NECTIN1: variants seen among roughly 807,000 people sequenced by gnomAD.
The protein encoded by NECTIN1 is nectin-1.
A neutral mutation model predicts 48.0 loss-of-function variants in NECTIN1; 23 were observed. The ratio of observed to expected loss-of-function variants is 0.48; its 90% confidence interval spans 0.34 to 0.68. The LOEUF is 0.68. Among genes scored for constraint, NECTIN1 ranks in the 30% least tolerant of loss-of-function variants. The pLI is 0.01. For synonymous variants in NECTIN1, 270 were observed against 288.9 expected (o/e 0.93, Z 0.66); for missense variants, 591 against 709.9 (o/e 0.83, Z 1.90).
chr11:119,718,120 T>C (rs1221821962), intron 1 of NECTIN1, among the ~76,000 whole-genome samples: 1 of 152,224 alleles, frequency 6.6e-6, no homozygotes, highest in Non-Finnish European at 1.5e-5. Context: ...TGAGCCTGCA[T>C]GGTGACCTGC....
chr11:119,704,738 G>A (rs934999950), intron 1 of NECTIN1, among the ~76,000 whole-genome samples: 1 of 152,124 alleles, frequency 6.6e-6, no homozygotes, highest in African/African-American at 2.4e-5. Context: ...GTGGAGGTGA[G>A]AATGCCCCAC....
intron 5 of NECTIN1, chr11:119,674,297 G>T (rs1288262489): frequency 2.4e-6 from 3 of 1,269,230 alleles, no homozygotes; most frequent in African/African-American, 3.0e-5. Flanking sequence ...TGTAAAAGAC[G>T]CTCCCCATGT....
rs1482689717 is a variant in NECTIN1 at position 119,661,394 on chromosome 11, C to T, written c.*3353G>A. The T allele has an allele frequency of 3.0e-6, 3 of 986,198 alleles. No individual in the cohort carries two copies. Among genetic ancestry groups the T allele is most frequent in the Non-Finnish European group, 2.4e-6 (2 of 830,304 alleles). 61.1% of individuals were successfully genotyped at this position (986,198 alleles called of 1,614,324 possible). A position where few individuals can be genotyped will look rare whatever the true frequency, so the allele number is the denominator to read the frequency against. The stretch of plus-strand genomic sequence containing the variant: ...GCAGAGGGGCCTGCCTCCTGGCATC[C>T]CCGGTACTGGGCAGTGTGTGAAGCC... On this transcript the variant is annotated 3_prime_UTR_variant, in exon 6 of 6. Coordinates refer to ENST00000264025, the MANE Select transcript of NECTIN1 (RefSeq NM_002855.5).
chr11:119,639,982 C>T (rs199613491), exon 6 of NECTIN1: 37 of 1,613,876 alleles, frequency 2.3e-5, no homozygotes, highest in Non-Finnish European at 3.1e-5. Flanking sequence ...CCTGGCTGCA[C>T]TTCCCAGACC....
At chr11:119,712,260 C>A (rs1162507033) in intron 1 of NECTIN1, among the ~76,000 whole-genome samples, 3 of 152,152 alleles carry the variant, frequency 2.0e-5, no homozygotes, top group African/African-American at 7.2e-5. Context: ...CTTGGCTGTC[C>A]TGGTCACGTC....
chr11:119,691,739 G>C (rs1339977066), intron 1 of NECTIN1, among the ~76,000 whole-genome samples: 1 of 152,124 alleles, frequency 6.6e-6, no homozygotes, highest in Non-Finnish European at 1.5e-5. Context: ...CCTGTAAATG[G>C]GCCGGAGCAC....
chr11:119,662,629 G>C lies in NECTIN1; in HGVS notation c.*2118C>G. The C allele has an allele frequency of 1.0e-6, 1 of 985,642 alleles. No individual in the cohort carries two copies. Among genetic ancestry groups the C allele is most frequent in the Non-Finnish European group, 1.2e-6 (1 of 829,998 alleles). The allele number at this position is 985,642 out of a possible 1,614,324, so 61.1% of individuals were successfully genotyped here. On this transcript the variant is annotated 3_prime_UTR_variant, in exon 6 of 6. Transcript: ENST00000264025. The surrounding 1 kb of genome is among the most constrained non-coding windows in gnomAD (Gnocchi z 5.3). ...CTCTATCAGGCAGGCCCCTGGGATT[G>C]CCTCCTGCCTGGGGGAAAAGGGGAC...
At chr11:119,694,857 C>T (rs1865315457) in intron 1 of NECTIN1, among the ~76,000 whole-genome samples, 1 of 152,186 alleles carries the variant, frequency 6.6e-6, no homozygotes, top group Admixed American at 6.5e-5. Context: ...GCACTGAACT[C>T]CTCTCTCCAG....
chr11:119,700,534 G>A (rs1175610058), intron 1 of NECTIN1, among the ~76,000 whole-genome samples: 1 of 152,156 alleles, frequency 6.6e-6, no homozygotes. Flanking sequence ...TCTCTGCTCT[G>A]CAGCCACCCT....
intron 1 of NECTIN1, among the ~76,000 whole-genome samples, chr11:119,723,203 C>T (rs527777014): frequency 5.4e-5 from 6 of 110,336 alleles, no homozygotes; most frequent in East Asian, 5.5e-4. Context: ...TGGGGGAGAG[C>T]GAGACTCTGT....
chr11:119,674,398 C>CG (rs1864911058), intron 5 of NECTIN1: 1 of 1,510,214 alleles, frequency 6.6e-7, no homozygotes, highest in Non-Finnish European at 8.9e-7. Context: ...GTAATAATCA[C>CG]GGAACATTGG....
chr11:119,667,541 G>A (rs964236092), intron 5 of NECTIN1, among the ~76,000 whole-genome samples: 1 of 152,222 alleles, frequency 6.6e-6, no homozygotes, highest in African/African-American at 2.4e-5. Context: ...AGGCTTCTTG[G>A]AGGAGGCCGG....
chr11:119,725,435 A>G (rs1463128822), intron 1 of NECTIN1, among the ~76,000 whole-genome samples: 1 of 152,176 alleles, frequency 6.6e-6, no homozygotes, highest in African/African-American at 2.4e-5. Context: ...GCTCTGCAGT[A>G]TCTCCTCTTC....
chr11:119,643,223 C>T (rs983378474), intron 5 of NECTIN1, among the ~76,000 whole-genome samples: 1 of 152,138 alleles, frequency 6.6e-6, no homozygotes, highest in Admixed American at 6.5e-5. Flanking sequence ...GGAAGAAATA[C>T]TAGTGGAGAG....
downstream of NECTIN1, chr11:119,660,939 G>A (rs560916515): frequency 3.2e-5 from 29 of 897,140 alleles, no homozygotes; most frequent in South Asian, 1.0e-3. Flanking sequence ...CCAGCTCCAC[G>A]CCTTCCCCGC....
chr11:119,719,343 C>T (rs779444011), intron 1 of NECTIN1, among the ~76,000 whole-genome samples: 6 of 152,172 alleles, frequency 3.9e-5, no homozygotes, highest in Non-Finnish European at 8.8e-5. Flanking sequence ...AGGAAATGGT[C>T]TTCCTCCATC....
In NECTIN1 at chr11:119,677,426, G is replaced by A. The variant is rs1049585701; in HGVS notation, c.733+129C>T. ...GGAGGAGAGAAAACGAGCAAAGGGA[G>A]GAGATAGGGGAGACAGGAGGGGAGA... is the stretch of plus-strand genomic sequence containing the variant. On this transcript the variant is annotated intron_variant, in intron 3 of 5. Transcript: ENST00000264025. This position sits in a 1 kb window ranked among gnomAD's most constrained non-coding sequence, Gnocchi z 5.4. 6.3e-5 allele frequency: 71 copies of A among 1,135,854 alleles called. 1 individual carries two copies. In the South Asian group the frequency reaches 8.5e-4, roughly 14 times the overall value. 70.4% of individuals were successfully genotyped at this position (1,135,854 alleles called of 1,614,324 possible).
rs1286771433 is a variant in NECTIN1 at position 119,684,097 on chromosome 11, C to A, written c.80-5332G>T. On this transcript the variant is annotated intron_variant, in intron 1 of 5. Coordinates refer to ENST00000264025, the MANE Select transcript of NECTIN1 (RefSeq NM_002855.5). The surrounding 1 kb of genome is among the most constrained non-coding windows in gnomAD (Gnocchi z 5.2). ...CCACGCAGCGGGGTGTGGCACACTT[C>A]GCTCCCCACATACCCACTTAAAGCA... 6.6e-6 allele frequency among the ~76,000 whole-genome samples: 1 copy of A among 152,256 alleles called. No homozygotes were observed. The highest frequency in any genetic ancestry group is 2.4e-5 in the African/African-American group (1 of 41,478).
chr11:119,690,909 C>T (rs1224908395), intron 1 of NECTIN1, among the ~76,000 whole-genome samples: 1 of 152,182 alleles, frequency 6.6e-6, no homozygotes, highest in Non-Finnish European at 1.5e-5. Context: ...TCCGGCTCAA[C>T]TACCACCCCA....
Sources: gnomAD v4.1 joint callset for allele counts (sites outside exome capture counted in the v4.1 genomes callset) on GRCh38, gnomAD v4.1.1 for gene constraint, Gnocchi (gnomAD v3.1) non-coding constraint, MANE v1.5 for transcripts, NCBI Gene and HGNC (gene_info 2026-07-23, HGNC 2026-07-21) for gene names.